The following RUNX1T1 variants were observed in gnomAD, a reference collection of about 807,000 sequenced individuals.
RUNX1T1 encodes the protein protein CBFA2T1.
In RUNX1T1, 4 loss-of-function variants were observed where a neutral mutation model predicts 62.8. The observed-to-expected ratio is 0.06, with a 90% CI of 0.03 to 0.15. The LOEUF is 0.15. RUNX1T1 is among the 10% of genes least tolerant of loss of function. The pLI, the probability that RUNX1T1 is intolerant of heterozygous loss-of-function variation, is 1.00. For missense variants in RUNX1T1, 508 were observed against 754.3 expected, an observed-to-expected ratio of 0.67 and a Z score of 3.82; for synonymous variants, 291 against 286.0, an observed-to-expected ratio of 1.02 and a Z score of -0.18.
At chr8:91,991,932 G>C (rs1817761395) in intron 5 of RUNX1T1, 43 bp from the exon 7 acceptor site, 2 of 1,607,154 alleles carry the variant, frequency 1.2e-6, no homozygotes, top group Non-Finnish European at 1.7e-6. Context: ...CATCTATTCA[G>C]AAACCAGCAC....
intron 1 of RUNX1T1, among the ~76,000 whole-genome samples, chr8:92,029,606 T>C (rs1463660434): frequency 1.3e-5 from 2 of 152,112 alleles, no homozygotes; most frequent in Non-Finnish European, 2.9e-5. Context: ...GTGTATAAAA[T>C]ATCCCAAGTA....
intron 9 of RUNX1T1, among the ~76,000 whole-genome samples, chr8:91,975,317 T>C (rs1430170969): frequency 6.6e-6 from 1 of 152,220 alleles, no homozygotes; most frequent in Non-Finnish European, 1.5e-5. Context: ...AGATAGTGTA[T>C]ATGAAAAGCA....
At chr8:92,087,375 C>A (rs994117153) in intron 1 of RUNX1T1, among the ~76,000 whole-genome samples, 2 of 109,002 alleles carry the variant, frequency 1.8e-5, no homozygotes, top group Non-Finnish European at 3.6e-5. Context: ...TCCACCCCTA[C>A]TCCACCCCAA....
At chr8:92,054,719 G>A (rs1315176817) in intron 1 of RUNX1T1, among the ~76,000 whole-genome samples, 2 of 152,034 alleles carry the variant, frequency 1.3e-5, no homozygotes, top group African/African-American at 2.4e-5. Flanking sequence ...ATTCAGCACA[G>A]GGCCAGGCGC....
rs187894363 is a variant in RUNX1T1 at position 92,061,228 on chromosome 8, A to T, written c.7+1318T>A. On this transcript the variant is annotated intron_variant, in intron 1 of 10. Coordinates refer to ENST00000396218, the Ensembl canonical transcript of RUNX1T1. ...ACTCTTCAAAATGCTGATAAATCAG[A>T]TCATTTAACACGTTTATTAACAGCA... Among the ~76,000 whole-genome samples, 20 of 152,366 alleles carry T rather than the reference A, an allele frequency of 1.3e-4. No homozygotes were observed. In the East Asian group the frequency reaches 3.9e-3, roughly 29 times the overall value.
intron 1 of RUNX1T1, among the ~76,000 whole-genome samples, chr8:92,034,740 A>G (rs1014048783): frequency 4.0e-5 from 6 of 150,918 alleles, no homozygotes; most frequent in Non-Finnish European, 7.4e-5. Context: ...GTATACATAT[A>G]TATACACATA....
exon 11 of RUNX1T1, chr8:91,960,160 A>G: frequency 7.0e-7 from 1 of 1,438,818 alleles, no homozygotes; most frequent in Non-Finnish European, 9.5e-7. Context: ...CAAACAAAAA[A>G]AACAACTTTG....
At position 91,991,942 on chromosome 8, in the gene RUNX1T1, C is replaced by T. The variant is rs556277648; in HGVS notation, c.660-53G>A. 13 of 1,579,420 alleles carry T rather than the reference C, an allele frequency of 8.2e-6. No homozygotes were observed. In the South Asian group the frequency reaches 1.2e-4, roughly 15 times the overall value. ...TTCATCATCTATTCAGAAACCAGCACAGTTCAGTCACTCATATTTGAGCTT... is the reference window on the plus strand; with the variant it reads ...TTCATCATCTATTCAGAAACCAGCATAGTTCAGTCACTCATATTTGAGCTT... On this transcript the variant is annotated intron_variant, in intron 5 of 10. Transcript: ENST00000396218.
intron 2 of RUNX1T1, among the ~76,000 whole-genome samples, chr8:92,074,639 T>G (rs2130765194): frequency 6.6e-6 from 1 of 152,310 alleles, no homozygotes; most frequent in East Asian, 1.9e-4. Flanking sequence ...TACCTTTTCT[T>G]TTTCTCTATG....
intron 10 of RUNX1T1, among the ~76,000 whole-genome samples, chr8:91,962,083 G>A (rs1810586106): frequency 6.6e-6 from 1 of 152,194 alleles, no homozygotes; most frequent in African/African-American, 2.4e-5. Context: ...AAACGTGCAA[G>A]GGAATTTTTA....
At chr8:92,041,527 G>A (rs1828449498) in intron 1 of RUNX1T1, among the ~76,000 whole-genome samples, 1 of 152,154 alleles carries the variant, frequency 6.6e-6, no homozygotes, top group Non-Finnish European at 1.5e-5. Flanking sequence ...GATCACTTGA[G>A]GCCAGGAGTT....
At chr8:92,001,518 C>G (rs1483872700) in intron 5 of RUNX1T1, among the ~76,000 whole-genome samples, 1 of 152,136 alleles carries the variant, frequency 6.6e-6, no homozygotes. Flanking sequence ...ACTACATGGC[C>G]TTTGCATTGA....
At chr8:92,062,462 G>C in intron 1 of RUNX1T1, 1 of 1,435,174 alleles carries the variant, frequency 7.0e-7, no homozygotes, top group Non-Finnish European at 9.8e-7. Flanking sequence ...CACGCTGTGG[G>C]GCAGAAGGTA....
At chr8:91,973,259 A>G (rs947264236) in intron 9 of RUNX1T1, among the ~76,000 whole-genome samples, 2 of 151,950 alleles carry the variant, frequency 1.3e-5, no homozygotes, top group African/African-American at 4.8e-5. Context: ...TATATATTTA[A>G]GAGAAAGAAG....
At chr8:92,072,901 T>C (rs948114343) in intron 2 of RUNX1T1, among the ~76,000 whole-genome samples, 1 of 152,210 alleles carries the variant, frequency 6.6e-6, no homozygotes, top group Non-Finnish European at 1.5e-5. Context: ...ATTTTAAAAA[T>C]ACCTCTTTTT....
At chr8:92,029,523 A>C (rs569130152) in intron 1 of RUNX1T1, among the ~76,000 whole-genome samples, 1 of 152,326 alleles carries the variant, frequency 6.6e-6, no homozygotes, top group Admixed American at 6.5e-5. Flanking sequence ...AACCAATGCC[A>C]AAACCCAGCT....
chr8:92,093,962 G>A (rs767082502), intron 1 of RUNX1T1, among the ~76,000 whole-genome samples: 4 of 152,172 alleles, frequency 2.6e-5, no homozygotes, highest in Non-Finnish European at 5.9e-5. Context: ...AGCCAAAAGA[G>A]CTCTACCCTT....
chr8:92,085,442 CT>C (rs1835950060), intron 1 of RUNX1T1, among the ~76,000 whole-genome samples: 2 of 152,244 alleles, frequency 1.3e-5, no homozygotes, highest in Non-Finnish European at 1.5e-5. Flanking sequence ...AGACATTCTT[CT>C]GCTCCTTGCT....
chr8:91,970,683 A>T (rs141041466), exon 10 of RUNX1T1: 6 of 1,609,464 alleles, frequency 3.7e-6, no homozygotes, highest in Non-Finnish European at 5.1e-6. Flanking sequence ...CTGCTGATTG[A>T]TAACTGCCAG....
Sources: allele counts gnomAD v4.1 joint callset (sites outside exome capture counted in the v4.1 genomes callset), GRCh38; gene constraint gnomAD v4.1.1; transcripts MANE v1.5; gene names NCBI Gene and HGNC (gene_info 2026-07-23, HGNC 2026-07-21).